Variants in RSPO4 observed in about 807,000 individuals in gnomAD.
The protein encoded by RSPO4 is R-spondin-4.
In RSPO4, 23 loss-of-function variants were observed where a neutral mutation model predicts 24.8. The ratio of observed to expected loss-of-function variants is 0.93; its 90% confidence interval spans 0.67 to 1.31. The LOEUF is 1.31. RSPO4 is among the 40% of genes most tolerant of loss of function. The pLI, the probability that RSPO4 is intolerant of heterozygous loss-of-function variation, is 0.00. For synonymous variants in RSPO4, 141 were observed against 127.4 expected, an observed-to-expected ratio of 1.11 and a Z score of -0.72; for missense variants, 333 against 316.5, an observed-to-expected ratio of 1.05 and a Z score of -0.39.
rs1250008570 is a variant in RSPO4 at position 967,961 on chromosome 20, T to C, written c.257A>G (p.Asn86Ser). 6.2e-7 allele frequency: 1 copy of C among 1,614,218 alleles called. No homozygotes were observed. Among genetic ancestry groups the C allele is most frequent in the Non-Finnish European group, 8.5e-7 (1 of 1,180,022 alleles). The change falls in exon 2 of 5, where the codon AAC becomes AGC. Residue 86 changes from asparagine (N) to serine (S), a missense_variant. Coordinates refer to ENST00000217260, the MANE Select transcript of RSPO4 (RefSeq NM_001029871.4). Reference protein sequence around the residue: ...GYFGIRGQEVNRCKKCGATCE... With the variant: ...GYFGIRGQEVSRCKKCGATCE... ...GAGAAGCCACGTACTTTTGCACCTG[T>C]TGACCTCCTGGCCGCGGATGCCGAA... is the stretch of plus-strand genomic sequence containing the variant.
rs372067801 is a variant in RSPO4, at chr20:999,024, C to T, written c.79+3062G>A. On this transcript the variant is annotated intron_variant, in intron 1 of 4. Transcript: ENST00000217260. ...TTTTTTGAGACAGGGTCTGCTCTGT[C>T]GCCCAGGCTGGGGTGCAGTGGCACA... is the stretch of plus-strand genomic sequence containing the variant. Among the ~76,000 whole-genome samples, 18 of 144,994 alleles carry T rather than the reference C, an allele frequency of 1.2e-4. 1 individual carries two copies. The highest frequency in any genetic ancestry group is 4.4e-4 in the African/African-American group (17 of 39,052).
At position 960,077 on chromosome 20, in the gene RSPO4, G is replaced by A; in HGVS notation, c.*280C>T. On this transcript the variant is annotated 3_prime_UTR_variant, in exon 5 of 5. Coordinates refer to ENST00000217260, the MANE Select transcript of RSPO4 (RefSeq NM_001029871.4). Reference sequence around the variant, plus strand: ...CGGTGAAGGACAGGAAGAAACACAGGAAGAAAGAAAAGGAAAGATAAAAGA... The same window carrying A: ...CGGTGAAGGACAGGAAGAAACACAGAAAGAAAGAAAAGGAAAGATAAAAGA... 1 of 518,610 alleles carries A rather than the reference G, an allele frequency of 1.9e-6. No homozygotes were observed. The allele number at this position is 518,610 out of a possible 1,614,324, so 32.1% of individuals were successfully genotyped here.
intron 1 of RSPO4, among the ~76,000 whole-genome samples, chr20:1,000,743 T>C (rs1474153708): frequency 6.6e-6 from 1 of 152,134 alleles, no homozygotes; most frequent in Non-Finnish European, 1.5e-5. Flanking sequence ...ACAAAGGCCA[T>C]TCACAAAGGA....
chr20:985,108 C>A (rs186597112), intron 1 of RSPO4, among the ~76,000 whole-genome samples: 1 of 141,898 alleles, frequency 7.0e-6, no homozygotes, highest in Non-Finnish European at 1.5e-5. Flanking sequence ...CCCATCTATC[C>A]ATCCATCCAT....
chr20:997,475 G>A (rs992431659), intron 1 of RSPO4, among the ~76,000 whole-genome samples: 3 of 152,184 alleles, frequency 2.0e-5, no homozygotes, highest in East Asian at 1.9e-4. Context: ...AACCGAAGCC[G>A]AGAGACCCAA....
At chr20:961,503 TGCAGA>T (rs1227339733) in intron 4 of RSPO4, among the ~76,000 whole-genome samples, 1 of 152,190 alleles carries the variant, frequency 6.6e-6, no homozygotes, top group African/African-American at 2.4e-5. Context: ...CTCCTTCCTC[TGCAGA>T]GCAGAGTCAA....
At chr20:967,790 C>G (rs144545431) in intron 2 of RSPO4, among the ~76,000 whole-genome samples, 160 bp downstream of exon 2, 41 of 152,324 alleles carry the variant, frequency 2.7e-4, no homozygotes, top group African/African-American at 9.4e-4. Flanking sequence ...TGACTTGCCT[C>G]GGGCTGCGGA....
intron 4 of RSPO4, among the ~76,000 whole-genome samples, chr20:962,362 T>C (rs1984026897): frequency 6.6e-6 from 1 of 152,182 alleles, no homozygotes; most frequent in Non-Finnish European, 1.5e-5. Context: ...ATTAGAGTCA[T>C]GTTTCACAGC....
At chr20:976,528 C>T (rs1478842765) in intron 1 of RSPO4, among the ~76,000 whole-genome samples, 3 of 152,186 alleles carry the variant, frequency 2.0e-5, no homozygotes, top group Non-Finnish European at 4.4e-5. Flanking sequence ...CACCTTGTTT[C>T]AACAGGAGTC....
intron 1 of RSPO4, among the ~76,000 whole-genome samples, chr20:971,632 A>C (rs756285534): frequency 1.4e-4 from 21 of 152,210 alleles, no homozygotes; most frequent in Non-Finnish European, 2.6e-4. Flanking sequence ...TCATATAGTA[A>C]GAGCCATTTA....
At chr20:994,133 C>T (rs1007047712) in intron 1 of RSPO4, among the ~76,000 whole-genome samples, 2 of 152,210 alleles carry the variant, frequency 1.3e-5, no homozygotes, top group Admixed American at 6.5e-5. Context: ...ATCTCCTGCA[C>T]CCTCATGTCT....
chr20:995,329 C>A (rs1399486595), intron 1 of RSPO4, among the ~76,000 whole-genome samples: 1 of 152,174 alleles, frequency 6.6e-6, no homozygotes, highest in African/African-American at 2.4e-5. Flanking sequence ...GAAGACCCAG[C>A]TCACACATGT....
intron 1 of RSPO4, among the ~76,000 whole-genome samples, chr20:978,176 G>A (rs1218976812): frequency 6.6e-6 from 1 of 152,178 alleles, no homozygotes; most frequent in African/African-American, 2.4e-5. Context: ...GCAGAATGTT[G>A]AGGTTGCCTT....
chr20:960,933 A>G (rs1326633020), intron 4 of RSPO4, among the ~76,000 whole-genome samples: 13 of 152,194 alleles, frequency 8.5e-5, no homozygotes, highest in African/African-American at 3.1e-4. Flanking sequence ...GCAAGCGCTC[A>G]CTGTATGCAG....
rs543587036 is a variant in RSPO4, at chr20:971,889, C to T, written c.80-3751G>A. ...GAGGAGGCCTACATTCTTTCTTCTC[C>T]TTCTCCACTAGCTCCCCTCCCAAGC... On this transcript the variant is annotated intron_variant, in intron 1 of 4. Transcript: ENST00000217260. Among the ~76,000 whole-genome samples, 3 of 152,268 alleles carry T rather than the reference C, an allele frequency of 2.0e-5. 1 individual carries two copies.
At chr20:996,000 C>T (rs759626939) in intron 1 of RSPO4, among the ~76,000 whole-genome samples, 1 of 152,230 alleles carries the variant, frequency 6.6e-6, no homozygotes, top group Non-Finnish European at 1.5e-5. Context: ...ATAGTTTTCA[C>T]ACTTGCAATG....
intron 4 of RSPO4, among the ~76,000 whole-genome samples, chr20:963,532 A>G (rs1984073480): frequency 6.6e-6 from 1 of 152,158 alleles, no homozygotes; most frequent in Non-Finnish European, 1.5e-5. Context: ...AAGCGCTTCC[A>G]TCAAGAAATT....
intron 1 of RSPO4, among the ~76,000 whole-genome samples, chr20:988,424 T>A (rs537829833): frequency 6.6e-6 from 1 of 152,134 alleles, no homozygotes; most frequent in East Asian, 1.9e-4. Flanking sequence ...CTATGAGAAG[T>A]GGGTGGATCC....
At chr20:978,453 C>T (rs146483900) in intron 1 of RSPO4, among the ~76,000 whole-genome samples, 1 of 152,298 alleles carries the variant, frequency 6.6e-6, no homozygotes, top group African/African-American at 2.4e-5. Flanking sequence ...CCTTTAAATC[C>T]CCACGGCCCT....
Sources: allele counts gnomAD v4.1 joint callset (sites outside exome capture counted in the v4.1 genomes callset), GRCh38; gene constraint gnomAD v4.1.1; transcripts MANE v1.5; gene names NCBI Gene and HGNC (gene_info 2026-07-23, HGNC 2026-07-21).